Variants in CENPP observed in about 807,000 individuals in gnomAD.
The protein encoded by CENPP is centromere protein P.
CENPP carries 24 observed loss-of-function variants against 35.6 expected under a neutral mutation model. That is an observed-to-expected ratio of 0.67 (90% CI 0.49 to 0.95). The LOEUF (loss-of-function observed/expected upper bound fraction) is 0.95. Among genes scored for constraint, CENPP ranks in the 40% least tolerant of loss-of-function variants. The pLI is 0.00. For missense variants in CENPP, 332 were observed against 345.3 expected, an observed-to-expected ratio of 0.96 and a Z score of 0.31; for synonymous variants, 120 against 125.5, an observed-to-expected ratio of 0.96 and a Z score of 0.29.
rs1244000673 is a variant in CENPP, at chr9:92,615,810, C to CAAAG, written c.*2663_*2666dup. 1 of 1,554,412 alleles carries CAAAG rather than the reference C, an allele frequency of 6.4e-7. No individual in the cohort carries two copies. Among genetic ancestry groups the CAAAG allele is most frequent in the Non-Finnish European group, 8.9e-7 (1 of 1,126,160 alleles). On this transcript the variant is annotated 3_prime_UTR_variant, in exon 8 of 8. Transcript: ENST00000375587. ...CAGCCTTCACATTATGTTCAAGTTT[C>CAAAG]AAAGACACTGCAGGGAAAGAGTTAG... is the stretch of plus-strand genomic sequence containing the variant.
intron 5 of CENPP, among the ~76,000 whole-genome samples, chr9:92,459,239 C>T (rs139152691): frequency 3.9e-4 from 59 of 152,316 alleles, no homozygotes; most frequent in African/African-American, 1.4e-3. Context: ...TACCAGGAGC[C>T]TAATCCTCTT....
At chr9:92,431,945 C>A (rs1345240930) in intron 5 of CENPP, among the ~76,000 whole-genome samples, 2 of 152,132 alleles carry the variant, frequency 1.3e-5, no homozygotes, top group Non-Finnish European at 2.9e-5. Flanking sequence ...TAGATACTAA[C>A]CTCTTGCTAG....
chr9:92,416,996 AAGTT>A (rs765805155), intron 5 of CENPP: 32 of 1,613,886 alleles, frequency 2.0e-5, no homozygotes, highest in Non-Finnish European at 2.5e-5. Context: ...AAGCATGGTC[AAGTT>A]TACTAGCCCA....
chr9:92,567,460 C>T (rs1277884682), intron 5 of CENPP, among the ~76,000 whole-genome samples: 2 of 147,132 alleles, frequency 1.4e-5, no homozygotes. Flanking sequence ...AAACATTTAT[C>T]ATTTCTTTGT....
At chr9:92,407,244 C>T (rs1843330699) in intron 5 of CENPP, among the ~76,000 whole-genome samples, 1 of 152,148 alleles carries the variant, frequency 6.6e-6, no homozygotes, top group African/African-American at 2.4e-5. Flanking sequence ...TCCTGGTCCA[C>T]TGATACTACA....
chr9:92,452,380 T>C (rs1273429189), intron 5 of CENPP, among the ~76,000 whole-genome samples: 1 of 152,224 alleles, frequency 6.6e-6, no homozygotes, highest in Non-Finnish European at 1.5e-5. Flanking sequence ...TCTTTGGTTG[T>C]GTTTATATGC....
intron 4 of CENPP, among the ~76,000 whole-genome samples, chr9:92,349,607 T>C (rs1841392766): frequency 6.6e-6 from 1 of 152,048 alleles, no homozygotes; most frequent in Non-Finnish European, 1.5e-5. Flanking sequence ...TTTCACCATG[T>C]TGGCCAGGAT....
intron 5 of CENPP, among the ~76,000 whole-genome samples, chr9:92,511,367 C>CA (rs1563976603): frequency 2.4e-5 from 3 of 124,312 alleles, no homozygotes; most frequent in African/African-American, 8.4e-5. Flanking sequence ...CCTCATGATC[C>CA]GCCCATCTTG....
At chr9:92,495,874 A>G (rs1355107720) in intron 5 of CENPP, 1 of 980,312 alleles carries the variant, frequency 1.0e-6, no homozygotes, top group Non-Finnish European at 1.2e-6. Context: ...TTTTAATAAT[A>G]AACAACACTT....
chr9:92,433,767 A>G (rs1332575250), intron 5 of CENPP, among the ~76,000 whole-genome samples: 2 of 151,960 alleles, frequency 1.3e-5, no homozygotes, highest in East Asian at 3.9e-4. Flanking sequence ...CCCCATCTCT[A>G]CTAGAACTAC....
At chr9:92,578,868 T>C (rs936915351) in intron 5 of CENPP, among the ~76,000 whole-genome samples, 45 of 152,292 alleles carry the variant, frequency 3.0e-4, no homozygotes, top group South Asian at 1.0e-3. Flanking sequence ...GACATGAAGT[T>C]CTTGCCCATG....
At chr9:92,360,258 T>G (rs1841711018) in intron 4 of CENPP, among the ~76,000 whole-genome samples, 1 of 152,222 alleles carries the variant, frequency 6.6e-6, no homozygotes, top group African/African-American at 2.4e-5. Context: ...ACCACTGCAG[T>G]TATAGTCTTG....
intron 5 of CENPP, chr9:92,514,882 C>T (rs1298397170): frequency 1.2e-6 from 2 of 1,613,550 alleles, no homozygotes; most frequent in Non-Finnish European, 1.7e-6. Context: ...CTCCTCCCTT[C>T]CTTGGCGTTG....
At chr9:92,416,068 A>ATT (rs1554760092) in intron 5 of CENPP, among the ~76,000 whole-genome samples, 70 of 136,998 alleles carry the variant, frequency 5.1e-4, no homozygotes, top group Middle Eastern at 3.8e-3. Context: ...GTATATATAT[A>ATT]TATTTATTTA....
intron 5 of CENPP, among the ~76,000 whole-genome samples, chr9:92,560,062 T>C (rs987741258): frequency 1.3e-5 from 2 of 152,168 alleles, no homozygotes; most frequent in African/African-American, 4.8e-5. Context: ...ATCAATCACT[T>C]GAGCCCAGGA....
intron 4 of CENPP, among the ~76,000 whole-genome samples, chr9:92,378,898 A>G (rs1163122191): frequency 6.6e-6 from 1 of 152,156 alleles, no homozygotes; most frequent in Admixed American, 6.5e-5. Flanking sequence ...CCTGCAGCTC[A>G]GTTCAGTTCT....
chr9:92,454,164 T>G (rs908618475), intron 5 of CENPP, among the ~76,000 whole-genome samples: 6 of 152,220 alleles, frequency 3.9e-5, no homozygotes, highest in African/African-American at 1.4e-4. Flanking sequence ...AATGCAGTTT[T>G]GGTTGTTTAT....
chr9:92,542,927 A>C (rs1231560159), intron 5 of CENPP, among the ~76,000 whole-genome samples: 1 of 152,156 alleles, frequency 6.6e-6, no homozygotes, highest in Non-Finnish European at 1.5e-5. Context: ...TCATTCTTTT[A>C]CATGTGGATA....
chr9:92,351,205 C>T (rs1290955889), intron 4 of CENPP, among the ~76,000 whole-genome samples: 3 of 152,092 alleles, frequency 2.0e-5, no homozygotes, highest in Non-Finnish European at 4.4e-5. Context: ...AAAACAGAAA[C>T]TTTGGCCAGG....
Sources: gnomAD v4.1 joint callset for allele counts (sites outside exome capture counted in the v4.1 genomes callset) on GRCh38, gnomAD v4.1.1 for gene constraint, MANE v1.5 for transcripts, NCBI Gene and HGNC (gene_info 2026-07-23, HGNC 2026-07-21) for gene names.